The following CFAP92 variants were observed in gnomAD, a reference collection of about 807,000 sequenced individuals.
CFAP92 encodes the protein uncharacterized protein CFAP92.
In CFAP92, 86 loss-of-function variants were observed where a neutral mutation model predicts 106.3. That is an observed-to-expected ratio of 0.81 (90% CI 0.68 to 0.97). CFAP92 has a LOEUF of 0.97. Ranked by LOEUF, CFAP92 falls within the 50% of genes least tolerant of loss-of-function variation. The pLI is 0.00. For missense variants in CFAP92, 1,204 were observed against 1,283.8 expected (o/e 0.94, Z 0.95); for synonymous variants, 477 against 506.4 (o/e 0.94, Z 0.78).
intron 2 of CFAP92, chr3:128,991,994 G>A: frequency 3.9e-6 from 2 of 511,498 alleles, no homozygotes; most frequent in Non-Finnish European, 5.0e-6. Flanking sequence ...AGTGTTTGTG[G>A]GGCTAGGCTT....
At chr3:128,912,798 A>G in intron 15 of CFAP92, 1 of 732,784 alleles carries the variant, frequency 1.4e-6, no homozygotes, top group South Asian at 1.4e-5. Flanking sequence ...AGTGCTCTCT[A>G]ACAGGACCAT....
the CFAP92 span, among the ~76,000 whole-genome samples, chr3:129,022,524 C>CTTATA: frequency 6.6e-6 from 1 of 152,170 alleles, no homozygotes; most frequent in Non-Finnish European, 1.5e-5. Flanking sequence ...GGGCTGGCGG[C>CTTATA]CAGATGTGGC....
At chr3:129,007,292 A>C (rs1945114865), upstream of CFAP92, among the ~76,000 whole-genome samples, 1 of 152,232 alleles carries the variant, frequency 6.6e-6, no homozygotes, top group South Asian at 2.1e-4. Flanking sequence ...TATTGAGCTG[A>C]ATCAGCCCCG....
intron 12 of CFAP92, among the ~76,000 whole-genome samples, chr3:128,921,128 C>G (rs865857501): frequency 6.6e-6 from 1 of 152,152 alleles, no homozygotes; most frequent in African/African-American, 2.4e-5. Context: ...GCACTCTTGT[C>G]TCATCTGTTT....
At chr3:128,977,972 C>T (rs1943264726) in intron 5 of CFAP92, 73 bp downstream of exon 5, 1 of 1,592,512 alleles carries the variant, frequency 6.3e-7, no homozygotes, top group Admixed American at 1.7e-5. Flanking sequence ...TGCATTGCTC[C>T]AGCACACCAC....
chr3:129,001,325 A>G (rs576777881), intron 1 of CFAP92, among the ~76,000 whole-genome samples: 2 of 152,258 alleles, frequency 1.3e-5, no homozygotes, highest in South Asian at 4.1e-4. Context: ...ACGCCCCGTG[A>G]GTGAGGAGAG....
Position 128,915,220 on chromosome 3 carries a change from T to C in CFAP92, c.3179A>G (p.Asp1060Gly), listed in dbSNP as rs1936708604. The C allele has an allele frequency of 5.9e-6, 9 of 1,536,134 alleles. No homozygotes were observed. Among genetic ancestry groups the C allele is most frequent in the Non-Finnish European group, 7.8e-6 (9 of 1,146,906 alleles). Reference protein sequence around the residue: ...ANVLEPVLDRDRWSWDRHHVD... With the variant: ...ANVLEPVLDRGRWSWDRHHVD... ...GTGGTGCCTGTCCCAGCTCCACCTGTCTCGATCCAACACAGGCTCCAGTAC... is the reference window on the plus strand; with the variant it reads ...GTGGTGCCTGTCCCAGCTCCACCTGCCTCGATCCAACACAGGCTCCAGTAC... Residue 1060 changes from aspartate to glycine, a missense_variant, in exon 15 of 16, where the codon GAC becomes GGC. Transcript: ENST00000645291.
intron 11 of CFAP92, among the ~76,000 whole-genome samples, chr3:128,933,675 A>ATGGATGCAGCTACCT (rs1938657694): frequency 6.6e-6 from 1 of 152,204 alleles, no homozygotes; most frequent in Non-Finnish European, 1.5e-5. Flanking sequence ...ATAAAGCCAT[A>ATGGATGCAGCTACCT]TGGATGCAGC....
At chr3:128,980,540 T>C (rs1047551521) in intron 4 of CFAP92, among the ~76,000 whole-genome samples, 44 of 152,246 alleles carry the variant, frequency 2.9e-4, no homozygotes, top group African/African-American at 9.4e-4. Flanking sequence ...CTTCCTTTCA[T>C]GAACGGTTTC....
chr3:128,984,158 G>C (rs956006012), intron 4 of CFAP92, among the ~76,000 whole-genome samples: 3 of 152,214 alleles, frequency 2.0e-5, no homozygotes, highest in African/African-American at 7.2e-5. Flanking sequence ...ATCCAGTCCT[G>C]AGAAATCGAG....
chr3:128,933,837 A>G (rs1240420193), intron 11 of CFAP92, among the ~76,000 whole-genome samples: 1 of 152,224 alleles, frequency 6.6e-6, no homozygotes, highest in Non-Finnish European at 1.5e-5. Context: ...TGAGGGCCAC[A>G]GAATCAAAGA....
chr3:128,935,094 G>A (rs993081618), intron 11 of CFAP92, 31 bp downstream of exon 11: 20 of 1,482,428 alleles, frequency 1.3e-5, no homozygotes, highest in African/African-American at 2.8e-5. Context: ...CCGCCGGGGC[G>A]CAGGACCACA....
At chr3:129,020,714 G>A in the CFAP92 span, among the ~76,000 whole-genome samples, 1 of 152,198 alleles carries the variant, frequency 6.6e-6, no homozygotes, top group Non-Finnish European at 1.5e-5. Context: ...TTATTGGAGT[G>A]GCTGGCCCAG....
chr3:128,970,517 A>G (rs1942710487), intron 8 of CFAP92: 1 of 152,246 alleles, frequency 6.6e-6, no homozygotes, highest in Non-Finnish European at 1.5e-5. Flanking sequence ...AAAGAAAAAA[A>G]AAGGGGGGGA....
intron 2 of CFAP92, among the ~76,000 whole-genome samples, chr3:128,989,708 A>C (rs1181732454): frequency 6.6e-6 from 1 of 152,204 alleles, no homozygotes; most frequent in African/African-American, 2.4e-5. Context: ...TAAAAACATG[A>C]CTGTCTTTAA....
intron 10 of CFAP92, among the ~76,000 whole-genome samples, chr3:128,935,958 C>T (rs1045377195): frequency 1.3e-5 from 2 of 152,284 alleles, no homozygotes; most frequent in South Asian, 4.1e-4. Context: ...CTGGTAGACA[C>T]AACATCTTTC....
intron 4 of CFAP92, among the ~76,000 whole-genome samples, chr3:128,982,288 G>A (rs185011921): frequency 2.6e-5 from 4 of 152,300 alleles, no homozygotes; most frequent in African/African-American, 4.8e-5. Flanking sequence ...TTTATGTTAT[G>A]GAGATGGCTC....
chr3:128,910,926 CCT>C, intron 15 of CFAP92: 1 of 1,321,820 alleles, frequency 7.6e-7, no homozygotes, highest in Non-Finnish European at 1.1e-6. Flanking sequence ...TACTCACAGA[CCT>C]CTGCCTTGAG....
At chr3:128,929,746 C>G (rs1938128573) in intron 12 of CFAP92, among the ~76,000 whole-genome samples, 1 of 152,136 alleles carries the variant, frequency 6.6e-6, no homozygotes, top group Admixed American at 6.6e-5. Context: ...GAAAGTAGAT[C>G]AGTGGTTATG....
Sources: allele counts gnomAD v4.1 joint callset (sites outside exome capture counted in the v4.1 genomes callset), GRCh38; gene constraint gnomAD v4.1.1; transcripts MANE v1.5; gene names NCBI Gene and HGNC (gene_info 2026-07-23, HGNC 2026-07-21).